The following RASAL2 variants were observed in gnomAD, a reference collection of about 807,000 sequenced individuals.
The protein encoded by RASAL2 is RAS protein activator like 2.
A neutral mutation model predicts 128.9 loss-of-function variants in RASAL2; 58 were observed. The ratio of observed to expected loss-of-function variants is 0.45; its 90% CI spans 0.36 to 0.56. RASAL2 has a LOEUF of 0.56. RASAL2 is among the 20% of genes least tolerant of loss of function. The probability of loss-of-function intolerance (pLI) is 0.00; values close to 1 mark genes in which losing one functional copy is unlikely to be tolerated. For missense variants in RASAL2, 1,360 were observed against 1,601.6 expected (o/e 0.85, Z 2.57); for synonymous variants, 561 against 580.8 (o/e 0.97, Z 0.49).
rs191828712 is a variant in RASAL2, at chr1:178,478,837, T to C, written c.*5598T>C. 11 of 152,292 alleles carry C rather than the reference T, an allele frequency of 7.2e-5. No individual in the cohort carries two copies. The highest frequency in any genetic ancestry group is 1.5e-4 in the Non-Finnish European group (10 of 67,990). 9.4% of individuals were successfully genotyped at this position (152,292 alleles called of 1,614,324 possible). On this transcript the variant is annotated 3_prime_UTR_variant, in exon 18 of 18. Coordinates refer to ENST00000367649, the MANE Select transcript of RASAL2 (RefSeq NM_170692.4). ...ATTCCTACAAAGAATACAAATAAAC[T>C]TTAACTTTAAACATTTCAGACTAAA...
Position 178,291,094 on chromosome 1 carries a change from G to C in RASAL2, c.330+7403G>C, listed in dbSNP as rs73035229. Among the ~76,000 whole-genome samples the C allele has an allele frequency of 5.5e-3, 843 of 152,274 alleles. 8 individuals carry two copies. The highest frequency in any genetic ancestry group is 0.019 in the African/African-American group (806 of 41,558). ...TGTTTTACAGAGAAATTTATGCTTGGACTGTATCTTAAGGGACAAATAAGG... is the reference window on the plus strand; with the variant it reads ...TGTTTTACAGAGAAATTTATGCTTGCACTGTATCTTAAGGGACAAATAAGG... On this transcript the variant is annotated intron_variant, in intron 2 of 17. Transcript: ENST00000367649.
intron 3 of RASAL2, among the ~76,000 whole-genome samples, chr1:178,324,897 T>G (rs1214651438): frequency 2.0e-5 from 3 of 152,172 alleles, no homozygotes; most frequent in African/African-American, 7.2e-5. Flanking sequence ...TTTTGGCTTG[T>G]TATGACCCCC....
At chr1:178,213,000 C>G (rs1399334375) in intron 1 of RASAL2, among the ~76,000 whole-genome samples, 1 of 152,162 alleles carries the variant, frequency 6.6e-6, no homozygotes, top group South Asian at 2.1e-4. Flanking sequence ...GTATTCCCAA[C>G]TAGGTACAAC....
At chr1:178,299,929 C>A in intron 2 of RASAL2, 63 bp from the exon 3 acceptor site, 4 of 1,541,284 alleles carry the variant, frequency 2.6e-6, no homozygotes, top group South Asian at 1.2e-5. Context: ...AACCATTATT[C>A]AATCAGAACG....
intron 1 of RASAL2, among the ~76,000 whole-genome samples, chr1:178,191,187 C>T (rs911058567): frequency 6.6e-6 from 1 of 152,074 alleles, no homozygotes; most frequent in African/African-American, 2.4e-5. Context: ...AGCATACACT[C>T]TAGAACTCAA....
chr1:178,197,692 A>G (rs1245206898), intron 1 of RASAL2, among the ~76,000 whole-genome samples: 1 of 152,054 alleles, frequency 6.6e-6, no homozygotes, highest in African/African-American at 2.4e-5. Context: ...ATTCTAGAGA[A>G]ATTCTTCTTT....
intron 17 of RASAL2, among the ~76,000 whole-genome samples, chr1:178,468,816 A>T (rs1454336402): frequency 1.3e-5 from 2 of 152,200 alleles, no homozygotes; most frequent in Non-Finnish European, 2.9e-5. Context: ...ATCATCCCAG[A>T]GACTTAAGAA....
At chr1:178,347,156 T>C (rs1408490104) in intron 3 of RASAL2, among the ~76,000 whole-genome samples, 2 of 152,214 alleles carry the variant, frequency 1.3e-5, no homozygotes, top group Non-Finnish European at 2.9e-5. Flanking sequence ...CGGTGAAATT[T>C]TAATTATCAA....
intron 1 of RASAL2, among the ~76,000 whole-genome samples, chr1:178,206,770 A>G (rs1055766332): frequency 2.0e-5 from 3 of 152,226 alleles, no homozygotes; most frequent in African/African-American, 7.2e-5. Flanking sequence ...AGTAAAAACA[A>G]AGCAAACAAA....
intron 3 of RASAL2, among the ~76,000 whole-genome samples, chr1:178,362,997 A>G (rs930200821): frequency 6.6e-6 from 1 of 152,010 alleles, no homozygotes; most frequent in Non-Finnish European, 1.5e-5. Flanking sequence ...TAAGATTGTG[A>G]TTTCATTTCC....
intron 3 of RASAL2, among the ~76,000 whole-genome samples, chr1:178,375,533 T>G (rs1671942241): frequency 6.6e-6 from 1 of 152,164 alleles, no homozygotes; most frequent in African/African-American, 2.4e-5. Flanking sequence ...CCCTGTGTAT[T>G]ATAATTGTTG....
chr1:178,147,953 C>T (rs1278377166), intron 1 of RASAL2, among the ~76,000 whole-genome samples: 1 of 152,052 alleles, frequency 6.6e-6, no homozygotes, highest in Non-Finnish European at 1.5e-5. Context: ...TGCCTGTAAT[C>T]CCAGCTACTT....
In RASAL2 at chr1:178,139,574, A is replaced by AT. The variant is rs540504379; in HGVS notation, c.202+44886dup. Among the ~76,000 whole-genome samples the AT allele has an allele frequency of 1.9e-3, 293 of 152,148 alleles. 2 individuals carry two copies. Among genetic ancestry groups the AT allele is most frequent in the Non-Finnish European group, 5.2e-4 (35 of 67,924 alleles). ...CAGAGTTATTGACAAAATATTTTCC[A>AT]TTTTTTACCAAGAGTCGGAAAGTTA... On this transcript the variant is annotated intron_variant, in intron 1 of 17. Coordinates refer to ENST00000367649, the MANE Select transcript of RASAL2 (RefSeq NM_170692.4).
At chr1:178,391,843 A>G (rs1672925693) in intron 4 of RASAL2, among the ~76,000 whole-genome samples, 1 of 152,192 alleles carries the variant, frequency 6.6e-6, no homozygotes, top group Non-Finnish European at 1.5e-5. Flanking sequence ...CCAATATTTT[A>G]CCACAAGTAC....
At position 178,387,326 on chromosome 1, in the gene RASAL2, C is replaced by A. The variant is rs546802347; in HGVS notation, c.458-2774C>A. 5.3e-5 allele frequency among the ~76,000 whole-genome samples: 8 copies of A among 152,140 alleles called. No homozygotes were observed. The South Asian group carries it at 1.7e-3, about 32-fold the overall frequency. On this transcript the variant is annotated intron_variant, in intron 3 of 17. Transcript: ENST00000367649. ...ACCCGATAATACATCATATAAGCTA[C>A]ATCAGCATTGTATTTTTTCCCATAA...
intron 6 of RASAL2, among the ~76,000 whole-genome samples, chr1:178,440,846 T>G (rs1557991245): frequency 6.6e-6 from 1 of 152,124 alleles, no homozygotes; most frequent in Non-Finnish European, 1.5e-5. Context: ...AATTCAATAT[T>G]AGTAACTCTT....
intron 3 of RASAL2, among the ~76,000 whole-genome samples, chr1:178,325,906 CATA>C (rs1230255321): frequency 6.6e-6 from 1 of 152,102 alleles, no homozygotes; most frequent in Admixed American, 6.6e-5. Flanking sequence ...GCCTGGGCAA[CATA>C]ATGAGACCCC....
intron 4 of RASAL2, among the ~76,000 whole-genome samples, chr1:178,397,389 T>C (rs1289451129): frequency 1.3e-5 from 2 of 152,224 alleles, no homozygotes; most frequent in Non-Finnish European, 2.9e-5. Context: ...CCACATGTTG[T>C]ATGATTCCAT....
At chr1:178,466,546 T>C (rs767048945) in intron 16 of RASAL2, among the ~76,000 whole-genome samples, 6 of 152,228 alleles carry the variant, frequency 3.9e-5, no homozygotes, top group Admixed American at 3.3e-4. Context: ...GGGTCAGTTT[T>C]ACCAAACACT....
Sources: allele counts gnomAD v4.1 joint callset (sites outside exome capture counted in the v4.1 genomes callset), GRCh38; gene constraint gnomAD v4.1.1; transcripts MANE v1.5; gene names NCBI Gene and HGNC (gene_info 2026-07-23, HGNC 2026-07-21).